Variants in IL1R1 observed in about 807,000 individuals in gnomAD.
IL1R1 encodes the protein interleukin 1 receptor type 1, also known as interleukin-1 receptor type 1.
In IL1R1, 22 loss-of-function variants were observed where a neutral mutation model predicts 50.2. That is an observed-to-expected ratio of 0.44 (90% CI 0.31 to 0.63). The LOEUF (loss-of-function observed/expected upper bound fraction) is 0.63, where lower values mean the gene tolerates loss of function less well. Ranked by LOEUF, IL1R1 falls within the 20% of genes least tolerant of loss-of-function variation. IL1R1 has a pLI of 0.07. For synonymous variants in IL1R1, 251 were observed against 236.7 expected (o/e 1.06, Z -0.55); for missense variants, 509 against 676.2 (o/e 0.75, Z 2.74).
In IL1R1 at chr2:102,176,378, C is replaced by T. The variant is rs375160677; in HGVS notation, c.1329C>T (p.Asn443=). The change falls in exon 12 of 12, where the codon AAC becomes AAT. Residue 443 remains asparagine, a synonymous_variant. Coordinates refer to ENST00000410023, the MANE Select transcript of IL1R1 (RefSeq NM_000877.4). ...ACATTGTTGAGGTCATTAATGAAAA[C>T]GTAAAGAAAAGCAGAAGACTGATTA... ...GEDIVEVINE[N]VKKSRRLIII... is the part of the protein sequence containing the mutation. 2.2e-5 allele frequency: 36 copies of T among 1,613,670 alleles called. No homozygotes were observed. In the Admixed American group the frequency reaches 4.2e-4, roughly 19 times the overall value.
At position 102,168,638 on chromosome 2, in the gene IL1R1, T is replaced by C; in HGVS notation, c.696T>C (p.Ala232=). 6.2e-7 allele frequency: 1 copy of C among 1,613,578 alleles called. No homozygotes were observed. The highest frequency in any genetic ancestry group is 8.5e-7 in the Non-Finnish European group (1 of 1,179,840). Reference sequence around the variant, plus strand: ...CAAGGCCTGTGATTGTGAGCCCAGCTAATGAGACAATGGAAGTAGACTTGG... The same window carrying C: ...CAAGGCCTGTGATTGTGAGCCCAGCCAATGAGACAATGGAAGTAGACTTGG... ...KPTRPVIVSP[A]NETMEVDLGS... is the part of the protein sequence containing the mutation. The change falls in exon 7 of 12, where the codon GCT becomes GCC. Residue 232 remains alanine (A), a synonymous_variant. Transcript: ENST00000410023.
At chr2:102,103,732 T>A (rs1442840865), upstream of IL1R1, among the ~76,000 whole-genome samples, 1 of 152,038 alleles carries the variant, frequency 6.6e-6, no homozygotes, top group East Asian at 1.9e-4. Context: ...CGGTGGCTCA[T>A]GCCTGTAACC....
At chr2:102,143,407 C>T (rs1682845830) in intron 1 of IL1R1, among the ~76,000 whole-genome samples, 1 of 152,154 alleles carries the variant, frequency 6.6e-6, no homozygotes, top group South Asian at 2.1e-4. Context: ...GAGGCCTTAA[C>T]CACACTGGGG....
upstream of IL1R1, among the ~76,000 whole-genome samples, chr2:102,103,467 G>C (rs1347969468): frequency 6.6e-6 from 1 of 152,182 alleles, no homozygotes; most frequent in Non-Finnish European, 1.5e-5. Flanking sequence ...GTGCCTCTTA[G>C]GGTCAGCAGG....
chr2:102,139,159 C>T (rs1052361004), upstream of IL1R1, among the ~76,000 whole-genome samples: 20 of 152,088 alleles, frequency 1.3e-4, no homozygotes, highest in African/African-American at 4.6e-4. Flanking sequence ...CATGAGTTAT[C>T]CTCTGTTCTT....
chr2:102,106,476 G>C (rs2104351060), intron 1 of IL1R1, among the ~76,000 whole-genome samples: 1 of 152,312 alleles, frequency 6.6e-6, no homozygotes, highest in African/African-American at 2.4e-5. Flanking sequence ...TTGAGCACAA[G>C]ACTGTTAGTT....
At chr2:102,155,981 G>A (rs941531743) in intron 2 of IL1R1, among the ~76,000 whole-genome samples, 1 of 152,182 alleles carries the variant, frequency 6.6e-6, no homozygotes, top group South Asian at 2.1e-4. Context: ...CTAATGATCA[G>A]ACAAGCCAGG....
chr2:102,093,924 G>A (rs919978734), intron 1 of IL1R1, among the ~76,000 whole-genome samples: 9 of 152,174 alleles, frequency 5.9e-5, no homozygotes, highest in African/African-American at 1.7e-4. Flanking sequence ...GCAGTGTGGG[G>A]TCCAGCCACG....
chr2:102,150,337 G>A (rs1683539738), intron 1 of IL1R1, among the ~76,000 whole-genome samples: 1 of 152,144 alleles, frequency 6.6e-6, no homozygotes, highest in Admixed American at 6.5e-5. Flanking sequence ...GGTGCTGTTG[G>A]ATGAGGTCAG....
chr2:102,139,091 G>T (rs189883420), upstream of IL1R1, among the ~76,000 whole-genome samples: 1,032 of 152,176 alleles, frequency 6.8e-3, 14 homozygotes, highest in African/African-American at 0.023. Context: ...GGGTGGTGGG[G>T]CTAAAGTGGA....
intron 1 of IL1R1, among the ~76,000 whole-genome samples, chr2:102,152,762 T>A (rs1028076054): frequency 4.6e-5 from 7 of 152,064 alleles, no homozygotes; most frequent in African/African-American, 1.7e-4. Flanking sequence ...GTCTCCCCTT[T>A]GAGTTTCTGC....
At chr2:102,143,264 G>T (rs1273832051) in intron 1 of IL1R1, among the ~76,000 whole-genome samples, 1 of 152,192 alleles carries the variant, frequency 6.6e-6, no homozygotes, top group African/African-American at 2.4e-5. Context: ...CTGGAGGGGG[G>T]TTCTAGGTAG....
intron 6 of IL1R1, among the ~76,000 whole-genome samples, chr2:102,166,494 G>A (rs552126795): frequency 6.6e-6 from 1 of 152,136 alleles, no homozygotes; most frequent in Non-Finnish European, 1.5e-5. Flanking sequence ...ATTAAATAGA[G>A]ACATTATGAG....
intron 1 of IL1R1, among the ~76,000 whole-genome samples, chr2:102,127,046 A>G (rs1681750662): frequency 6.6e-6 from 1 of 152,176 alleles, no homozygotes. Context: ...GGGTGTGGCC[A>G]TCCTGGAGAT....
intron 8 of IL1R1, chr2:102,172,257 G>T (rs1685752705): frequency 1.0e-6 from 1 of 984,668 alleles, no homozygotes; most frequent in Non-Finnish European, 1.2e-6. Context: ...CAAGAATCAG[G>T]CAATCCACTG....
chr2:102,087,778 A>G (rs968507536), intron 1 of IL1R1, among the ~76,000 whole-genome samples: 3 of 150,560 alleles, frequency 2.0e-5, no homozygotes, highest in African/African-American at 4.9e-5. Context: ...GGTCAATTAA[A>G]CCTCTTTCCT....
chr2:102,072,874 T>C (rs1678793488), intron 1 of IL1R1, among the ~76,000 whole-genome samples: 1 of 152,200 alleles, frequency 6.6e-6, no homozygotes, highest in South Asian at 2.1e-4. Context: ...TGCTAAGTCC[T>C]TCCTGTCTTG....
chr2:102,137,352 A>G (rs1377324973), intron 1 of IL1R1, among the ~76,000 whole-genome samples: 1 of 152,188 alleles, frequency 6.6e-6, no homozygotes, highest in African/African-American at 2.4e-5. Context: ...TGGGTTGATG[A>G]GGCTCAGCTA....
intron 1 of IL1R1, among the ~76,000 whole-genome samples, chr2:102,127,284 A>G (rs569436107): frequency 6.6e-6 from 1 of 152,346 alleles, no homozygotes; most frequent in South Asian, 2.1e-4. Context: ...GAGGAGGCAA[A>G]GATGGCAGAG....
Sources: allele counts gnomAD v4.1 joint callset (sites outside exome capture counted in the v4.1 genomes callset), GRCh38; gene constraint gnomAD v4.1.1; transcripts MANE v1.5; gene names NCBI Gene and HGNC (gene_info 2026-07-23, HGNC 2026-07-21).